Variants in SLC25A16 observed in about 807,000 individuals in gnomAD.
SLC25A16 encodes solute carrier family 25 member 16, also known as mitochondrial coenzyme A transporter SLC25A16.
In SLC25A16, 39 loss-of-function variants were observed where a neutral mutation model predicts 41.5. The ratio of observed to expected loss-of-function variants is 0.94; its 90% CI spans 0.73 to 1.23. The LOEUF is 1.23. Among genes scored for constraint, SLC25A16 ranks in the 50% most tolerant of loss-of-function variants. The pLI is 0.00. For synonymous variants in SLC25A16, 146 were observed against 147.8 expected, an observed-to-expected ratio of 0.99 and a Z score of 0.09; for missense variants, 421 against 426.9, an observed-to-expected ratio of 0.99 and a Z score of 0.12.
intron 1 of SLC25A16, among the ~76,000 whole-genome samples, chr10:68,518,420 A>G (rs1292460843): frequency 4.6e-5 from 7 of 152,106 alleles, no homozygotes; most frequent in Admixed American, 3.9e-4. Flanking sequence ...TCTTAAAAAA[A>G]GAAAAAAAAA....
intron 2 of SLC25A16, among the ~76,000 whole-genome samples, chr10:68,507,649 GAT>G (rs1473227012): frequency 1.3e-5 from 2 of 151,974 alleles, no homozygotes; most frequent in African/African-American, 2.4e-5. Context: ...TATATATAGT[GAT>G]ATCTTTATTA....
intron 3 of SLC25A16, among the ~76,000 whole-genome samples, chr10:68,504,776 GTTCAAGCGATTATCC>G (rs2052924197): frequency 6.6e-6 from 1 of 152,072 alleles, no homozygotes; most frequent in Non-Finnish European, 1.5e-5. Context: ...CGTATCCCGG[GTTCAAGCGATTATCC>G]TGCCTCAGCC....
chr10:68,495,980 CAT>C (rs2052744597), intron 4 of SLC25A16, among the ~76,000 whole-genome samples: 1 of 152,008 alleles, frequency 6.6e-6, no homozygotes, highest in Non-Finnish European at 1.5e-5. Context: ...GGTGAGCTAA[CAT>C]ATGTAAATGC....
chr10:68,496,012 A>G (rs2052744986), intron 4 of SLC25A16, among the ~76,000 whole-genome samples: 1 of 152,102 alleles, frequency 6.6e-6, no homozygotes, highest in Admixed American at 6.6e-5. Context: ...TTCCTGGTAC[A>G]CAGTAAAGGT....
At chr10:68,507,262 G>A (rs1232350827) in intron 2 of SLC25A16, among the ~76,000 whole-genome samples, 1 of 151,504 alleles carries the variant, frequency 6.6e-6, no homozygotes, top group Non-Finnish European at 1.5e-5. Context: ...TAGTAGAAAC[G>A]GGGTTTCACC....
At chr10:68,518,760 CA>C (rs2053201666) in intron 1 of SLC25A16, among the ~76,000 whole-genome samples, 2 of 150,448 alleles carry the variant, frequency 1.3e-5, no homozygotes, top group Non-Finnish European at 3.0e-5. Context: ...AGCAACAGAG[CA>C]GGTCTCGGTC....
At chr10:68,503,886 T>C (rs1014904621) in intron 3 of SLC25A16, among the ~76,000 whole-genome samples, 191 bp from the exon 4 acceptor site, 3 of 152,160 alleles carry the variant, frequency 2.0e-5, no homozygotes, top group Admixed American at 1.3e-4. Flanking sequence ...ATATTTCCTC[T>C]GTAGTCTCTG....
chr10:68,524,310 CAAAAA>C (rs565308290), intron 1 of SLC25A16, among the ~76,000 whole-genome samples: 5 of 44,022 alleles, frequency 1.1e-4, no homozygotes, highest in African/African-American at 4.4e-4. Context: ...AACTCCATCT[CAAAAA>C]AAAAAAAAAA....
intron 1 of SLC25A16, among the ~76,000 whole-genome samples, chr10:68,526,583 C>A (rs1297035979): frequency 1.3e-5 from 2 of 152,110 alleles, no homozygotes; most frequent in Admixed American, 6.6e-5. Context: ...CTAAGTCTCT[C>A]GTTCCACCTT....
At chr10:68,500,060 C>A in intron 4 of SLC25A16, 1 of 272,602 alleles carries the variant, frequency 3.7e-6, no homozygotes. Context: ...CTTTTGCTGG[C>A]CAACTGAGAT....
chr10:68,491,322 G>T (rs1169838590), intron 6 of SLC25A16, among the ~76,000 whole-genome samples: 1 of 151,834 alleles, frequency 6.6e-6, no homozygotes, highest in Admixed American at 6.6e-5. Context: ...CGCCTCCTGG[G>T]TTCAAGTGAT....
At chr10:68,517,157 G>A (rs1296753801) in intron 1 of SLC25A16, 11 of 1,026,748 alleles carry the variant, frequency 1.1e-5, no homozygotes, top group Non-Finnish European at 1.3e-5. Flanking sequence ...CCAACTGCCA[G>A]GTTCTGTTTG....
chr10:68,520,259 T>C (rs985389690), intron 1 of SLC25A16, among the ~76,000 whole-genome samples: 4 of 151,622 alleles, frequency 2.6e-5, no homozygotes, highest in Non-Finnish European at 5.9e-5. Flanking sequence ...ACCCAGCCTA[T>C]TTAATAGTAT....
chr10:68,527,302 G>A lies in SLC25A16; in HGVS notation c.74C>T (p.Ala25Val). ...PPPAMPQAAG[A>V]GGPTTRRDFY... ...GTCTCTGCGGGTTGTGGGCCCTCCG[G>A]CCCCTGCCGCCTGCGGCATTGCGGG... The change falls in exon 1 of 9, where the codon GCC (alanine) becomes GTC (valine). Residue 25 changes from alanine to valine, a missense_variant. Transcript: ENST00000609923. 1 of 1,544,876 alleles carries A rather than the reference G, an allele frequency of 6.5e-7. No individual in the cohort carries two copies. Among genetic ancestry groups the A allele is most frequent in the African/African-American group, 1.4e-5 (1 of 72,102 alleles).
chr10:68,494,749 C>T lies in SLC25A16; in HGVS notation c.422-1179G>A, dbSNP rs1188065519. The stretch of plus-strand genomic sequence containing the variant: ...AAAATTAGCTGGGCCTGGTGGCACG[C>T]GCCTGTAGTCCCAGCTACTTGGGAG... On this transcript the variant is annotated intron_variant, in intron 4 of 8. Transcript: ENST00000609923. 6.4e-5 allele frequency among the ~76,000 whole-genome samples: 9 copies of T among 139,850 alleles called. No individual in the cohort carries two copies. In the South Asian group the frequency reaches 9.5e-4, roughly 15 times the overall value. The allele number at this position is 139,850 out of a possible 152,430, so 91.7% of individuals were successfully genotyped here.
At chr10:68,512,876 A>G (rs997177055) in intron 2 of SLC25A16, among the ~76,000 whole-genome samples, 2 of 151,500 alleles carry the variant, frequency 1.3e-5, no homozygotes, top group Admixed American at 1.3e-4. Context: ...CATCTCTACT[A>G]AACATACAAA....
chr10:68,495,697 C>T (rs2052738105), intron 4 of SLC25A16, among the ~76,000 whole-genome samples: 1 of 143,384 alleles, frequency 7.0e-6, no homozygotes, highest in Non-Finnish European at 1.5e-5. Context: ...GGCAGGGAAT[C>T]CTTGAACCCG....
chr10:68,518,704 G>A (rs2053200518), intron 1 of SLC25A16, among the ~76,000 whole-genome samples: 2 of 151,566 alleles, frequency 1.3e-5, no homozygotes. Flanking sequence ...AACCCAGGAG[G>A]CAGAGGTAAT....
intron 4 of SLC25A16, among the ~76,000 whole-genome samples, chr10:68,497,624 T>C (rs2052771816): frequency 6.6e-6 from 1 of 151,678 alleles, no homozygotes; most frequent in African/African-American, 2.4e-5. Flanking sequence ...TTTTTTAATT[T>C]TTTTTTTTCC....
Sources: allele counts gnomAD v4.1 joint callset (sites outside exome capture counted in the v4.1 genomes callset), GRCh38; gene constraint gnomAD v4.1.1; transcripts MANE v1.5; gene names NCBI Gene and HGNC (gene_info 2026-07-23, HGNC 2026-07-21).